The following RGS3 variants were observed in gnomAD, a reference collection of about 807,000 sequenced individuals.
RGS3 encodes regulator of G protein signaling 3, also known as regulator of G-protein signalling 3.
In RGS3, 80 loss-of-function variants were observed where a neutral mutation model predicts 132.6. That is an observed-to-expected ratio of 0.60 (90% CI 0.50 to 0.73). The LOEUF is 0.73. RGS3 is among the 30% of genes least tolerant of loss of function. RGS3 has a pLI of 0.00. For missense variants in RGS3, 1,382 were observed against 1,530.8 expected (o/e 0.90, Z 1.62); for synonymous variants, 598 against 620.6 (o/e 0.96, Z 0.54).
chr9:113,555,959 G>A (rs1833550590), intron 19 of RGS3, among the ~76,000 whole-genome samples: 1 of 152,136 alleles, frequency 6.6e-6, no homozygotes, highest in African/African-American at 2.4e-5. Flanking sequence ...GCTTTCTTGA[G>A]TAATTTTTCC....
At chr9:113,493,400 G>A (rs150873097) in intron 7 of RGS3, among the ~76,000 whole-genome samples, 1,739 of 152,328 alleles carry the variant, frequency 0.011, 27 homozygotes, top group African/African-American at 0.039. Flanking sequence ...GAAGGAGCTG[G>A]GAGCAGGAGT....
chr9:113,531,062 A>G (rs1832440521), intron 18 of RGS3, among the ~76,000 whole-genome samples: 1 of 152,226 alleles, frequency 6.6e-6, no homozygotes, highest in Non-Finnish European at 1.5e-5. Flanking sequence ...CTCTGTATTG[A>G]GAAAGGCCCA....
intron 21 of RGS3, chr9:113,592,319 C>A (rs1835479161): frequency 6.6e-6 from 1 of 152,252 alleles, no homozygotes; most frequent in African/African-American, 2.4e-5. Flanking sequence ...CTTCACTTAA[C>A]CTTTTGTAGG....
intron 19 of RGS3, among the ~76,000 whole-genome samples, chr9:113,548,920 C>T (rs746556928): frequency 6.6e-6 from 1 of 152,190 alleles, no homozygotes; most frequent in Non-Finnish European, 1.5e-5. Context: ...GCGAGGAGTC[C>T]CCAGCTGGCC....
intron 19 of RGS3, among the ~76,000 whole-genome samples, chr9:113,567,414 A>G (rs1010193470): frequency 2.6e-5 from 4 of 152,148 alleles, no homozygotes; most frequent in Non-Finnish European, 5.9e-5. Context: ...GGCCTGGGGC[A>G]TGGTTGGAGA....
chr9:113,450,928 C>T (rs1829226601), intron 1 of RGS3, among the ~76,000 whole-genome samples: 1 of 152,086 alleles, frequency 6.6e-6, no homozygotes. Flanking sequence ...GCCTGTAATC[C>T]CAGCACTTTG....
At chr9:113,469,007 A>G (rs1588137160) in intron 3 of RGS3, among the ~76,000 whole-genome samples, 1 of 150,106 alleles carries the variant, frequency 6.7e-6, no homozygotes, top group East Asian at 2.0e-4. Flanking sequence ...TTCTGGAGGC[A>G]GAGTAGACTT....
intron 10 of RGS3, among the ~76,000 whole-genome samples, chr9:113,500,596 G>A (rs1564491358): frequency 1.3e-5 from 2 of 152,162 alleles, no homozygotes; most frequent in East Asian, 1.9e-4. Context: ...TGATGACCTG[G>A]AAATCCCTTC....
intron 7 of RGS3, among the ~76,000 whole-genome samples, chr9:113,486,064 A>G (rs1830323342): frequency 1.3e-5 from 2 of 152,224 alleles, no homozygotes; most frequent in South Asian, 4.1e-4. Flanking sequence ...CAGGACTCTA[A>G]GCACCTTGAA....
chr9:113,521,391 A>G (rs531561624), intron 16 of RGS3, among the ~76,000 whole-genome samples: 1 of 152,370 alleles, frequency 6.6e-6, no homozygotes, highest in Non-Finnish European at 1.5e-5. Flanking sequence ...ATACACATTA[A>G]ATCAAAATGT....
intron 19 of RGS3, among the ~76,000 whole-genome samples, chr9:113,576,668 G>A (rs934791469): frequency 2.0e-5 from 3 of 152,178 alleles, no homozygotes; most frequent in South Asian, 2.1e-4. Context: ...AACACTTCAG[G>A]TGGGGAGTGG....
chr9:113,477,322 C>A (rs1450440709), intron 3 of RGS3, among the ~76,000 whole-genome samples: 1 of 152,174 alleles, frequency 6.6e-6, no homozygotes, highest in Admixed American at 6.5e-5. Context: ...CTTCTGAGAT[C>A]TGGGTCCTGG....
In RGS3 at chr9:113,507,269, T is replaced by G. The variant is rs1831171229; in HGVS notation, c.1086-18T>G. 1.3e-6 allele frequency: 2 copies of G among 1,585,350 alleles called. No homozygotes were observed. On this transcript the variant is annotated intron_variant, in intron 12 of 24. Transcript: ENST00000350696. This position sits in a 1 kb window ranked among gnomAD's most constrained non-coding sequence, Gnocchi z 5.0. ...TTTCCCCAGGCTCAACCTGTCTGTG[T>G]GATCCCCCACCTTCCAGGAGCTGCC...
chr9:113,483,581 T>G (rs1830232508), intron 5 of RGS3, among the ~76,000 whole-genome samples: 1 of 152,268 alleles, frequency 6.6e-6, no homozygotes, highest in Non-Finnish European at 1.5e-5. Flanking sequence ...CTACTTTCAG[T>G]GAGAGCCAAA....
intron 19 of RGS3, among the ~76,000 whole-genome samples, chr9:113,558,647 A>C (rs930498574): frequency 1.3e-5 from 2 of 152,212 alleles, no homozygotes; most frequent in Non-Finnish European, 2.9e-5. Context: ...GTGAGTTCTC[A>C]TGAAACAAAG....
intron 19 of RGS3, among the ~76,000 whole-genome samples, chr9:113,570,681 C>T (rs905066473): frequency 2.6e-5 from 4 of 152,026 alleles, no homozygotes; most frequent in South Asian, 2.1e-4. Flanking sequence ...GGCAGAGTCT[C>T]GCTCTGTTGC....
intron 19 of RGS3, chr9:113,580,858 T>C: frequency 1.0e-6 from 1 of 985,746 alleles, no homozygotes; most frequent in Non-Finnish European, 1.2e-6. Context: ...CAGTCACCAC[T>C]GGGACAGGCC....
chr9:113,525,070 G>GTA (rs950574426), intron 17 of RGS3, among the ~76,000 whole-genome samples: 1 of 152,176 alleles, frequency 6.6e-6, no homozygotes, highest in Non-Finnish European at 1.5e-5. Context: ...GGCCAAGGCA[G>GTA]TACTTCTCAG....
chr9:113,503,628 C>T (rs190308172), intron 10 of RGS3, among the ~76,000 whole-genome samples: 45 of 152,316 alleles, frequency 3.0e-4, no homozygotes, highest in African/African-American at 1.1e-3. Flanking sequence ...GTTACTGCCC[C>T]ATAACTGGCC....
Sources: gnomAD v4.1 joint callset for allele counts (sites outside exome capture counted in the v4.1 genomes callset) on GRCh38, gnomAD v4.1.1 for gene constraint, Gnocchi (gnomAD v3.1) non-coding constraint, MANE v1.5 for transcripts, NCBI Gene and HGNC (gene_info 2026-07-23, HGNC 2026-07-21) for gene names.